EXOC6: variants seen among roughly 807,000 people sequenced by gnomAD.
EXOC6 encodes SEC15-like 1.
A neutral mutation model predicts 112.5 loss-of-function variants in EXOC6; 60 were observed. The observed-to-expected ratio is 0.53, with a 90% confidence interval of 0.43 to 0.66. The LOEUF (loss-of-function observed/expected upper bound fraction) is 0.66. Among genes scored for constraint, EXOC6 ranks in the 30% least tolerant of loss-of-function variants. The pLI is 0.00. For synonymous variants in EXOC6, 295 were observed against 308.0 expected (o/e 0.96, Z 0.44); for missense variants, 855 against 957.1 (o/e 0.89, Z 1.41).
At chr10:92,894,749 G>A (rs771676410) in intron 2 of EXOC6, 45 bp from the exon 3 acceptor site, 7 of 1,541,766 alleles carry the variant, frequency 4.5e-6, no homozygotes, top group Non-Finnish European at 5.4e-6. Context: ...CATCAGGGCA[G>A]TTTTATGCAT....
At chr10:93,000,125 A>G (rs1057154455) in intron 19 of EXOC6, among the ~76,000 whole-genome samples, 1 of 152,234 alleles carries the variant, frequency 6.6e-6, no homozygotes, top group Non-Finnish European at 1.5e-5. Flanking sequence ...GACTTGGAAC[A>G]TATCCCCCAT....
intron 12 of EXOC6, among the ~76,000 whole-genome samples, chr10:92,938,382 A>T (rs1209618800): frequency 6.6e-6 from 1 of 152,160 alleles, no homozygotes; most frequent in Admixed American, 6.5e-5. Flanking sequence ...TACTGAATTA[A>T]TGATTGCCAG....
intron 21 of EXOC6, among the ~76,000 whole-genome samples, chr10:93,057,264 T>TG (rs1489183638): frequency 6.6e-6 from 1 of 152,148 alleles, no homozygotes; most frequent in Non-Finnish European, 1.5e-5. Flanking sequence ...TCTTTCCTTT[T>TG]GTATCCTGAA....
At chr10:93,016,573 G>A (rs1452242308) in intron 20 of EXOC6, among the ~76,000 whole-genome samples, 3 of 152,188 alleles carry the variant, frequency 2.0e-5, no homozygotes, top group East Asian at 1.9e-4. Context: ...GGAAGCTCAA[G>A]AGAGACATAT....
intron 1 of EXOC6, among the ~76,000 whole-genome samples, chr10:92,874,054 G>GA (rs77166885): frequency 1.4e-3 from 164 of 113,318 alleles, no homozygotes; most frequent in Middle Eastern, 5.3e-3. Context: ...CCATGTCACA[G>GA]AAAAAAAAAA....
intron 19 of EXOC6, among the ~76,000 whole-genome samples, chr10:93,008,426 A>G (rs1844091804): frequency 6.6e-6 from 1 of 152,194 alleles, no homozygotes; most frequent in Admixed American, 6.5e-5. Context: ...TGGCTAAATG[A>G]CAAAAACAAA....
At chr10:93,038,040 CAAAAAAAAAAAAA>C (rs1156726278) in intron 20 of EXOC6, among the ~76,000 whole-genome samples, 23 of 26,588 alleles carry the variant, frequency 8.7e-4, no homozygotes, top group Admixed American at 7.4e-3. Flanking sequence ...ACTCCGTCTC[CAAAAAAAAAAAAA>C]AAAAAAAAAA....
At chr10:92,923,349 C>A (rs1269859162) in intron 8 of EXOC6, among the ~76,000 whole-genome samples, 1 of 152,166 alleles carries the variant, frequency 6.6e-6, no homozygotes, top group African/African-American at 2.4e-5. Flanking sequence ...AAGATAGTGA[C>A]CATATTAGTT....
Position 92,991,601 on chromosome 10 carries a change from A to G in EXOC6, c.1954-5873A>G, listed in dbSNP as rs532542763. Among the ~76,000 whole-genome samples, 117 of 152,326 alleles carry G rather than the reference A, an allele frequency of 7.7e-4. 4 individuals are homozygous for G. The South Asian group carries it at 0.024, about 31-fold the overall frequency. Reference sequence around the variant, plus strand: ...CAAACAAAAAGACTGCCAAAGTTTGATAAGCCCTATGATTGGGATAGGGGA... The same window carrying G: ...CAAACAAAAAGACTGCCAAAGTTTGGTAAGCCCTATGATTGGGATAGGGGA... On this transcript the variant is annotated intron_variant, in intron 18 of 21. Coordinates refer to ENST00000260762, the MANE Select transcript of EXOC6 (RefSeq NM_019053.6).
intron 1 of EXOC6, among the ~76,000 whole-genome samples, chr10:92,869,905 G>C (rs998307374): frequency 6.6e-6 from 1 of 150,492 alleles, no homozygotes; most frequent in African/African-American, 2.4e-5. Context: ...TTTAGCAGGG[G>C]AAACCTTTAG....
intron 19 of EXOC6, among the ~76,000 whole-genome samples, chr10:93,011,211 T>C (rs1454809839): frequency 6.6e-6 from 1 of 151,688 alleles, no homozygotes; most frequent in Non-Finnish European, 1.5e-5. Flanking sequence ...TTTATGGTTT[T>C]TTTTTGTGAC....
intron 8 of EXOC6, among the ~76,000 whole-genome samples, chr10:92,920,631 G>A (rs1434861913): frequency 6.6e-6 from 1 of 152,138 alleles, no homozygotes; most frequent in East Asian, 1.9e-4. Flanking sequence ...GGTTGTTCAC[G>A]TCTTTTACTT....
At chr10:93,006,829 CATTT>C (rs1844007143) in intron 19 of EXOC6, among the ~76,000 whole-genome samples, 1 of 152,066 alleles carries the variant, frequency 6.6e-6, no homozygotes, top group Non-Finnish European at 1.5e-5. Context: ...CATATTCAGC[CATTT>C]ATTTAGTTAC....
intron 19 of EXOC6, among the ~76,000 whole-genome samples, chr10:93,007,218 C>A (rs755907859): frequency 6.6e-6 from 1 of 152,104 alleles, no homozygotes; most frequent in Non-Finnish European, 1.5e-5. Flanking sequence ...AATTTTCCTT[C>A]CCCCCTCGTA....
chr10:93,043,710 T>C (rs1456839527), intron 20 of EXOC6, among the ~76,000 whole-genome samples: 2 of 152,252 alleles, frequency 1.3e-5, no homozygotes, highest in African/African-American at 2.4e-5. Flanking sequence ...ACTCTCATAG[T>C]GCAGATTCAC....
At chr10:93,034,829 G>A (rs1327767736) in intron 20 of EXOC6, among the ~76,000 whole-genome samples, 1 of 152,176 alleles carries the variant, frequency 6.6e-6, no homozygotes, top group Admixed American at 6.5e-5. Flanking sequence ...CACCCTGCCT[G>A]CTTAAACTTG....
rs117508184 is a variant in EXOC6, at chr10:92,918,057, A to G, written c.820-1925A>G. On this transcript the variant is annotated intron_variant, in intron 7 of 21. Transcript: ENST00000260762. The stretch of plus-strand genomic sequence containing the variant: ...CTACTGGGGAGGCTGAGGTGGGAGA[A>G]TCACCTGAGCCAGAGGAGGTTGAGG... Among the ~76,000 whole-genome samples, 818 of 152,284 alleles carry G rather than the reference A, an allele frequency of 5.4e-3. 6 individuals are homozygous for G. The highest frequency in any genetic ancestry group is 0.014 in the Middle Eastern group (4 of 294).
intron 13 of EXOC6, among the ~76,000 whole-genome samples, chr10:92,946,781 G>A (rs1853043367): frequency 6.6e-6 from 1 of 152,068 alleles, no homozygotes; most frequent in Non-Finnish European, 1.5e-5. Context: ...GGTCTAGAAT[G>A]CTTTTCTCCC....
chr10:92,848,506 C>T (rs1847151355), upstream of EXOC6: 3 of 1,328,458 alleles, frequency 2.3e-6, no homozygotes, highest in Non-Finnish European at 9.9e-7. Flanking sequence ...GGCGCCGCGC[C>T]TCGCTGGCTC....
Sources: allele counts gnomAD v4.1 joint callset (sites outside exome capture counted in the v4.1 genomes callset), GRCh38; gene constraint gnomAD v4.1.1; transcripts MANE v1.5; gene names NCBI Gene and HGNC (gene_info 2026-07-23, HGNC 2026-07-21).